NOS1AP: variants seen among roughly 807,000 people sequenced by gnomAD.
The protein encoded by NOS1AP is carboxyl-terminal PDZ ligand of neuronal nitric oxide synthase protein.
A neutral mutation model predicts 56.2 loss-of-function variants in NOS1AP; 21 were observed. The ratio of observed to expected loss-of-function variants is 0.37; its 90% CI spans 0.26 to 0.54. The LOEUF (loss-of-function observed/expected upper bound fraction) is 0.54. Ranked by LOEUF, NOS1AP falls within the 20% of genes least tolerant of loss-of-function variation. The probability of loss-of-function intolerance (pLI) is 0.84; values close to 1 mark genes in which losing one functional copy is unlikely to be tolerated. For missense variants in NOS1AP, 522 were observed against 657.8 expected (o/e 0.79, Z 2.26); for synonymous variants, 270 against 274.6 (o/e 0.98, Z 0.17).
chr1:162,192,465 T>C (rs551444965), intron 2 of NOS1AP, among the ~76,000 whole-genome samples: 70 of 152,280 alleles, frequency 4.6e-4, no homozygotes, highest in South Asian at 1.5e-3. Flanking sequence ...GCCTGGTCAC[T>C]GGGGACACTA....
At chr1:162,242,344 C>T (rs1653511647) in intron 2 of NOS1AP, among the ~76,000 whole-genome samples, 1 of 152,206 alleles carries the variant, frequency 6.6e-6, no homozygotes, top group African/African-American at 2.4e-5. Context: ...AAGTATGCAG[C>T]TTCTGAGGCT....
intron 4 of NOS1AP, among the ~76,000 whole-genome samples, chr1:162,314,886 T>G (rs1656181120): frequency 6.6e-6 from 1 of 152,254 alleles, no homozygotes; most frequent in African/African-American, 2.4e-5. Context: ...GCATTGGCTC[T>G]TCTACTGCTC....
At chr1:162,273,457 G>A (rs565189725) in intron 2 of NOS1AP, among the ~76,000 whole-genome samples, 3 of 152,258 alleles carry the variant, frequency 2.0e-5, no homozygotes, top group South Asian at 2.1e-4. Context: ...GAGCCACCGC[G>A]CCCGGCCGAA....
Position 162,189,081 on chromosome 1 carries a change from A to G in NOS1AP, c.177+34605A>G, listed in dbSNP as rs1312789441. 3.3e-5 allele frequency among the ~76,000 whole-genome samples: 5 copies of G among 152,274 alleles called. No homozygotes were observed. In the East Asian group the frequency reaches 7.7e-4, roughly 23 times the overall value. Reference sequence around the variant, plus strand: ...TGAAAAAATAAATAAATAAATAAATAAAAAGATTATTTTAGTGTTTTTCAT... The same window carrying G: ...TGAAAAAATAAATAAATAAATAAATGAAAAGATTATTTTAGTGTTTTTCAT... On this transcript the variant is annotated intron_variant, in intron 2 of 9. Transcript: ENST00000361897.
rs1275503583 is a variant in NOS1AP at position 162,108,839 on chromosome 1, T to C, written c.105+38557T>C. Among the ~76,000 whole-genome samples, 4 of 151,972 alleles carry C rather than the reference T, an allele frequency of 2.6e-5. 1 individual carries two copies. Among genetic ancestry groups the C allele is most frequent in the African/African-American group, 9.7e-5 (4 of 41,356 alleles). On this transcript the variant is annotated intron_variant, in intron 1 of 9. Coordinates refer to ENST00000361897, the MANE Select transcript of NOS1AP (RefSeq NM_014697.3). ...AACCTGGAGTTTCAATAGTTGCCAA[T>C]AGATATGAAAAAAAAGATGGAGGGT...
intron 1 of NOS1AP, among the ~76,000 whole-genome samples, chr1:162,131,118 A>G (rs1282368917): frequency 1.3e-5 from 2 of 152,150 alleles, no homozygotes; most frequent in Admixed American, 6.5e-5. Flanking sequence ...ATGACCCTTT[A>G]GAACTACTGC....
chr1:162,185,729 T>C (rs1651411672), intron 2 of NOS1AP, among the ~76,000 whole-genome samples: 2 of 152,248 alleles, frequency 1.3e-5, no homozygotes, highest in African/African-American at 2.4e-5. Flanking sequence ...TTTACATATG[T>C]ACTTACAATA....
At chr1:162,316,365 C>T (rs1656228897) in intron 4 of NOS1AP, among the ~76,000 whole-genome samples, 2 of 152,222 alleles carry the variant, frequency 1.3e-5, no homozygotes, top group Non-Finnish European at 2.9e-5. Context: ...CCCAGCACCT[C>T]TTGATGTTGT....
intron 2 of NOS1AP, among the ~76,000 whole-genome samples, chr1:162,240,243 CAG>C (rs1491440225): frequency 2.5e-5 from 2 of 79,870 alleles, no homozygotes; most frequent in Non-Finnish European, 4.9e-5. Context: ...ACTGTGTGGC[CAG>C]TGTGTGTGTG....
intron 2 of NOS1AP, among the ~76,000 whole-genome samples, chr1:162,211,971 G>A (rs1652363306): frequency 6.6e-6 from 1 of 152,160 alleles, no homozygotes; most frequent in African/African-American, 2.4e-5. Context: ...TCAGATTGTT[G>A]GTATGAAGTC....
At chr1:162,265,274 A>T (rs1654384551) in intron 2 of NOS1AP, among the ~76,000 whole-genome samples, 1 of 151,148 alleles carries the variant, frequency 6.6e-6, no homozygotes, top group African/African-American at 2.4e-5. Flanking sequence ...CATGTGCACA[A>T]TGTGCAGGTT....
intron 2 of NOS1AP, among the ~76,000 whole-genome samples, chr1:162,192,536 T>C (rs1252996706): frequency 2.0e-5 from 3 of 152,170 alleles, no homozygotes; most frequent in Admixed American, 2.0e-4. Flanking sequence ...AGAAAGAGGC[T>C]TGAAGACTGG....
chr1:162,146,515 C>T (rs139906847), intron 1 of NOS1AP, among the ~76,000 whole-genome samples: 3 of 152,242 alleles, frequency 2.0e-5, no homozygotes, highest in Non-Finnish European at 2.9e-5. Context: ...ATCCAACTCC[C>T]CAGGGTGTCA....
At chr1:162,217,054 T>A (rs1313461191) in intron 2 of NOS1AP, among the ~76,000 whole-genome samples, 1 of 152,104 alleles carries the variant, frequency 6.6e-6, no homozygotes, top group Non-Finnish European at 1.5e-5. Flanking sequence ...TGTGACTGAC[T>A]TGGAGAGGAG....
At chr1:162,216,219 A>G (rs181742639) in intron 2 of NOS1AP, among the ~76,000 whole-genome samples, 1 of 151,586 alleles carries the variant, frequency 6.6e-6, no homozygotes, top group African/African-American at 2.4e-5. Flanking sequence ...TCCCATTCCT[A>G]CTCTTACTTC....
chr1:162,250,754 C>A (rs7522678), intron 2 of NOS1AP, among the ~76,000 whole-genome samples: 33,115 of 152,064 alleles, frequency 0.22, 4,100 homozygotes, highest in East Asian at 0.51. Context: ...GTGGCAGATT[C>A]CCCCTGGCAT....
chr1:162,330,983 G>A (rs1403936400), intron 4 of NOS1AP, among the ~76,000 whole-genome samples: 2 of 152,166 alleles, frequency 1.3e-5, no homozygotes, highest in East Asian at 3.9e-4. Flanking sequence ...TATCAAGATA[G>A]GACATGGAGA....
chr1:162,365,444 C>T lies in NOS1AP; in HGVS notation c.980C>T (p.Ala327Val), dbSNP rs752082506. Residue 327 changes from alanine (A) to valine (V), a missense_variant, in exon 9 of 10, where the codon GCG (alanine) becomes GTG (valine). Physicochemically the swap from Ala to Val is moderately conservative, Grantham distance 64. Transcript: ENST00000361897. ...GACCAGTTGGCTGCTGAGGCTGCGG[C>T]GCGGCTGGAGGCCCAGGCTCGCGTG... ...LKDQLAAEAAARLEAQARVHQ... is the reference protein window; with the variant it reads ...LKDQLAAEAAVRLEAQARVHQ... 3 of 1,613,894 alleles carry T rather than the reference C, an allele frequency of 1.9e-6. No homozygotes were observed. The highest frequency in any genetic ancestry group is 2.2e-5 in the South Asian group (2 of 91,088).
At chr1:162,262,433 A>G (rs79918978) in intron 2 of NOS1AP, among the ~76,000 whole-genome samples, 235 of 152,314 alleles carry the variant, frequency 1.5e-3, no homozygotes, top group African/African-American at 5.5e-3. Context: ...TCTCCCAACA[A>G]TGAATTGTGT....
Sources: allele counts gnomAD v4.1 joint callset (sites outside exome capture counted in the v4.1 genomes callset), GRCh38; gene constraint gnomAD v4.1.1; transcripts MANE v1.5; gene names NCBI Gene and HGNC (gene_info 2026-07-23, HGNC 2026-07-21).